Variants in SKAP1 observed in about 807,000 individuals in gnomAD.
The protein encoded by SKAP1 is src kinase-associated phosphoprotein 1.
SKAP1 carries 44 observed loss-of-function variants against 58.5 expected under a neutral mutation model. The observed-to-expected ratio is 0.75, with a 90% CI of 0.59 to 0.97. The LOEUF (loss-of-function observed/expected upper bound fraction) is 0.97. Ranked by LOEUF, SKAP1 falls within the 50% of genes least tolerant of loss-of-function variation. The probability of loss-of-function intolerance (pLI) is 0.00; values close to 1 mark genes in which losing one functional copy is unlikely to be tolerated. For synonymous variants in SKAP1, 127 were observed against 149.7 expected (o/e 0.85, Z 1.11); for missense variants, 390 against 435.2 (o/e 0.90, Z 0.92).
intron 1 of SKAP1, among the ~76,000 whole-genome samples, chr17:48,402,924 AAGGCTAAGAGGTTC>A (rs2067518891): frequency 6.6e-6 from 1 of 152,192 alleles, no homozygotes; most frequent in Non-Finnish European, 1.5e-5. Flanking sequence ...TTGGAGAGTG[AAGGCTAAGAGGTTC>A]AGGTTTTCTT....
chr17:48,188,823 A>C (rs1028402558), intron 5 of SKAP1, among the ~76,000 whole-genome samples: 7 of 152,162 alleles, frequency 4.6e-5, no homozygotes, highest in Admixed American at 3.3e-4. Flanking sequence ...ACATGATGAA[A>C]TCCTGTCTCT....
intron 9 of SKAP1, among the ~76,000 whole-genome samples, chr17:48,172,281 C>G (rs570529663): frequency 6.6e-6 from 1 of 152,056 alleles, no homozygotes; most frequent in Non-Finnish European, 1.5e-5. Context: ...AATTAATTGC[C>G]GTAGATTCAC....
chr17:48,289,174 C>T (rs1398123182), intron 4 of SKAP1, among the ~76,000 whole-genome samples: 1 of 152,062 alleles, frequency 6.6e-6, no homozygotes, highest in Non-Finnish European at 1.5e-5. Context: ...TTCTGATAGG[C>T]TAAATATTGT....
intron 11 of SKAP1, among the ~76,000 whole-genome samples, chr17:48,154,161 G>T (rs909157198): frequency 2.6e-5 from 4 of 152,222 alleles, no homozygotes; most frequent in African/African-American, 9.6e-5. Flanking sequence ...AATTGACATA[G>T]TGTTGTGTTA....
intron 4 of SKAP1, among the ~76,000 whole-genome samples, chr17:48,341,750 G>A (rs930701954): frequency 6.6e-6 from 1 of 152,054 alleles, no homozygotes; most frequent in African/African-American, 2.4e-5. Flanking sequence ...TTTTGCTGAA[G>A]AATAAGAATC....
chr17:48,194,138 T>TAAAGAA (rs1293845658), intron 4 of SKAP1, among the ~76,000 whole-genome samples: 2 of 152,104 alleles, frequency 1.3e-5, no homozygotes, highest in Non-Finnish European at 2.9e-5. Flanking sequence ...ACAGCCCGTA[T>TAAAGAA]AAAGAAAAGA....
At chr17:48,390,561 A>G in intron 2 of SKAP1, among the ~76,000 whole-genome samples, 1 of 152,226 alleles carries the variant, frequency 6.6e-6, no homozygotes, top group East Asian at 1.9e-4. Flanking sequence ...CTAAAATTCT[A>G]TCAGGAGTAA....
chr17:48,372,329 G>A (rs2067098100), intron 2 of SKAP1, among the ~76,000 whole-genome samples: 1 of 150,418 alleles, frequency 6.6e-6, no homozygotes, highest in African/African-American at 2.5e-5. Flanking sequence ...TTTTTGAGAC[G>A]GAGTTTTGCT....
At chr17:48,196,547 T>C (rs1224901820) in intron 4 of SKAP1, 1 of 152,220 alleles carries the variant, frequency 6.6e-6, no homozygotes, top group Non-Finnish European at 1.5e-5. Flanking sequence ...CAACCCTTGC[T>C]TCCCTCCCTA....
At chr17:48,410,620 G>A (rs1598671835) in intron 1 of SKAP1, among the ~76,000 whole-genome samples, 2 of 152,024 alleles carry the variant, frequency 1.3e-5, no homozygotes, top group South Asian at 4.2e-4. Context: ...AGACACTGAT[G>A]GGACATGTCA....
intron 10 of SKAP1, 57 bp downstream of exon 10, chr17:48,170,552 C>G: frequency 1.4e-6 from 2 of 1,439,858 alleles, no homozygotes; most frequent in Non-Finnish European, 2.0e-6. Context: ...GGTGCTTTCT[C>G]TAATCAGAAG....
chr17:48,153,762 A>G (rs115068779), intron 11 of SKAP1, among the ~76,000 whole-genome samples: 4,220 of 150,832 alleles, frequency 0.028, 189 homozygotes, highest in African/African-American at 0.095. Context: ...CCCACTTACT[A>G]CCCCTAAATT....
At chr17:48,137,361 G>C (rs766023758) in intron 11 of SKAP1, 24 bp from the exon 12 acceptor site, 13 of 1,513,074 alleles carry the variant, frequency 8.6e-6, no homozygotes, top group Non-Finnish European at 1.2e-5. Context: ...AGAGGATAGC[G>C]TCAGTTAGAA....
intron 4 of SKAP1, among the ~76,000 whole-genome samples, chr17:48,254,069 T>G (rs2065396615): frequency 6.6e-6 from 1 of 152,178 alleles, no homozygotes; most frequent in Non-Finnish European, 1.5e-5. Flanking sequence ...TTAATATCCC[T>G]GAGATGCTTC....
intron 2 of SKAP1, among the ~76,000 whole-genome samples, chr17:48,384,517 C>A (rs1213428727): frequency 6.6e-6 from 1 of 152,066 alleles, no homozygotes; most frequent in Non-Finnish European, 1.5e-5. Context: ...CATGAAGGAG[C>A]CAGGCTCTTC....
At chr17:48,202,328 G>T (rs2064739008) in intron 4 of SKAP1, among the ~76,000 whole-genome samples, 1 of 152,080 alleles carries the variant, frequency 6.6e-6, no homozygotes, top group Non-Finnish European at 1.5e-5. Flanking sequence ...ACCCCATCAG[G>T]AAGAACTTGA....
intron 4 of SKAP1, among the ~76,000 whole-genome samples, chr17:48,249,449 G>A (rs904834864): frequency 1.3e-5 from 2 of 152,186 alleles, no homozygotes; most frequent in Admixed American, 1.3e-4. Context: ...GAGGTGGGCA[G>A]ATGGCTTGAG....
intron 4 of SKAP1, among the ~76,000 whole-genome samples, chr17:48,194,503 C>T (rs1005425129): frequency 2.0e-5 from 3 of 152,012 alleles, no homozygotes; most frequent in Non-Finnish European, 4.4e-5. Context: ...GCGTTCTAGC[C>T]CACTGAGAAA....
chr17:48,260,448 G>C (rs2065472008), intron 4 of SKAP1, among the ~76,000 whole-genome samples: 1 of 152,088 alleles, frequency 6.6e-6, no homozygotes, highest in Non-Finnish European at 1.5e-5. Flanking sequence ...AGAAACATTA[G>C]AATAAAACCA....
Sources: allele counts gnomAD v4.1 joint callset (sites outside exome capture counted in the v4.1 genomes callset), GRCh38; gene constraint gnomAD v4.1.1; transcripts MANE v1.5; gene names NCBI Gene and HGNC (gene_info 2026-07-23, HGNC 2026-07-21).